Variants in CDH6 observed in about 807,000 individuals in gnomAD.
The protein encoded by CDH6 is cadherin 6.
CDH6 carries 31 observed loss-of-function variants against 78.0 expected under a neutral mutation model. That is an observed-to-expected ratio of 0.40 (90% CI 0.30 to 0.54). The LOEUF (loss-of-function observed/expected upper bound fraction) is 0.54, where lower values mean the gene tolerates loss of function less well. Among genes scored for constraint, CDH6 ranks in the 20% least tolerant of loss-of-function variants. The pLI is 0.56. For missense variants in CDH6, 724 were observed against 975.9 expected (o/e 0.74, Z 3.44); for synonymous variants, 376 against 368.8 (o/e 1.02, Z -0.23).
intron 1 of CDH6, among the ~76,000 whole-genome samples, chr5:31,213,868 C>T (rs1257594064): frequency 6.6e-6 from 1 of 151,986 alleles, no homozygotes; most frequent in Admixed American, 6.6e-5. Context: ...CCCCTCCTGG[C>T]AGGCACCTGC....
chr5:31,213,130 T>C (rs1330328977), intron 1 of CDH6, among the ~76,000 whole-genome samples: 1 of 152,158 alleles, frequency 6.6e-6, no homozygotes, highest in Non-Finnish European at 1.5e-5. Flanking sequence ...ACTCTTCAAA[T>C]CTGAAAACAT....
intron 1 of CDH6, among the ~76,000 whole-genome samples, chr5:31,224,816 G>T (rs1283924088): frequency 6.6e-6 from 1 of 152,168 alleles, no homozygotes; most frequent in Non-Finnish European, 1.5e-5. Context: ...AGTGCTGGGA[G>T]TACACACATA....
At chr5:31,206,852 C>T (rs1188267301) in intron 1 of CDH6, among the ~76,000 whole-genome samples, 1 of 151,992 alleles carries the variant, frequency 6.6e-6, no homozygotes, top group Non-Finnish European at 1.5e-5. Flanking sequence ...TGGCTTTGAA[C>T]CTCCTACTCA....
At chr5:31,219,433 C>T (rs1254363330) in intron 1 of CDH6, among the ~76,000 whole-genome samples, 2 of 152,070 alleles carry the variant, frequency 1.3e-5, no homozygotes, top group Admixed American at 6.6e-5. Flanking sequence ...TCCAATTTTC[C>T]CTGTAACACT....
rs79588006 is a variant in CDH6, at chr5:31,207,227, A to G, written c.-129+13341A>G. On this transcript the variant is annotated intron_variant, in intron 1 of 11. Coordinates refer to ENST00000265071, the MANE Select transcript of CDH6 (RefSeq NM_004932.4). ...GGTCAAAATTAAACATGACCATTAAAAGCTGCTATTTTAGAAAGTTATTCT... is the reference window on the plus strand; with the variant it reads ...GGTCAAAATTAAACATGACCATTAAGAGCTGCTATTTTAGAAAGTTATTCT... 9.5e-3 allele frequency among the ~76,000 whole-genome samples: 1,447 copies of G among 152,242 alleles called. 30 individuals carry two copies. The highest frequency in any genetic ancestry group is 0.033 in the African/African-American group (1,369 of 41,532).
intron 2 of CDH6, among the ~76,000 whole-genome samples, chr5:31,273,776 G>A (rs1407395124): frequency 2.0e-5 from 3 of 152,198 alleles, no homozygotes; most frequent in Non-Finnish European, 4.4e-5. Context: ...AGAGCTGCAC[G>A]AATGTCTGCC....
rs901459838 is a variant in CDH6 at position 31,325,869 on chromosome 5, G to GT, written c.*2562dup. The GT allele has an allele frequency of 4.7e-5, 11 of 231,664 alleles. No homozygotes were observed. Among genetic ancestry groups the GT allele is most frequent in the African/African-American group, 2.4e-4 (11 of 45,280 alleles). 14.4% of individuals were successfully genotyped at this position (231,664 alleles called of 1,614,324 possible). On this transcript the variant is annotated 3_prime_UTR_variant, in exon 12 of 12. Transcript: ENST00000265071. Reference sequence around the variant, plus strand: ...GCTAAATATTTAGTACCAGGGTACTGTAAGTATCAAGTTGGAGTGACGTTT... The same window carrying GT: ...GCTAAATATTTAGTACCAGGGTACTGTTAAGTATCAAGTTGGAGTGACGTTT...
chr5:31,226,957 T>C (rs574519531), intron 1 of CDH6, among the ~76,000 whole-genome samples: 3 of 152,234 alleles, frequency 2.0e-5, no homozygotes, highest in East Asian at 1.9e-4. Flanking sequence ...ATGGCTTTCA[T>C]AAGAAAGGGC....
At chr5:31,202,317 C>T (rs1272631172) in intron 1 of CDH6, among the ~76,000 whole-genome samples, 1 of 152,128 alleles carries the variant, frequency 6.6e-6, no homozygotes, top group East Asian at 1.9e-4. Context: ...AAGAGAGTCT[C>T]ATTAATCTAC....
chr5:31,255,625 C>T (rs1437763715), intron 1 of CDH6, among the ~76,000 whole-genome samples: 1 of 152,212 alleles, frequency 6.6e-6, no homozygotes, highest in South Asian at 2.1e-4. Flanking sequence ...TTTAATTTGA[C>T]GGTCAGTTAA....
chr5:31,293,676 C>T (rs896636358), intron 2 of CDH6, among the ~76,000 whole-genome samples: 6 of 152,040 alleles, frequency 3.9e-5, no homozygotes, highest in Non-Finnish European at 8.8e-5. Context: ...CCTTGGCCAC[C>T]TTGCTATTGC....
At chr5:31,230,911 C>T (rs1024440125) in intron 1 of CDH6, among the ~76,000 whole-genome samples, 1 of 152,102 alleles carries the variant, frequency 6.6e-6, no homozygotes, top group African/African-American at 2.4e-5. Flanking sequence ...ATGCAAAATG[C>T]TTAAATCCAT....
At chr5:31,291,528 G>A (rs927073201) in intron 2 of CDH6, among the ~76,000 whole-genome samples, 6 of 152,074 alleles carry the variant, frequency 3.9e-5, no homozygotes, top group South Asian at 2.1e-4. Flanking sequence ...CCTGGCTGAG[G>A]GAGGTTAATT....
intron 1 of CDH6, among the ~76,000 whole-genome samples, chr5:31,243,978 C>T (rs1741677074): frequency 6.6e-6 from 1 of 152,170 alleles, no homozygotes; most frequent in Admixed American, 6.5e-5. Context: ...GTTTTTATGA[C>T]AATTTCAGGC....
chr5:31,316,652 C>T (rs1009488410), intron 9 of CDH6, among the ~76,000 whole-genome samples: 3 of 152,186 alleles, frequency 2.0e-5, no homozygotes, highest in Non-Finnish European at 2.9e-5. Flanking sequence ...ATAACTACAA[C>T]ATACTTTATA....
chr5:31,258,473 A>G (rs1272122149), intron 1 of CDH6, among the ~76,000 whole-genome samples: 7 of 152,010 alleles, frequency 4.6e-5, no homozygotes, highest in Admixed American at 2.0e-4. Flanking sequence ...AACATCACAC[A>G]CCGGGGCCTG....
rs1479228555 is a variant in CDH6, at chr5:31,326,568, TA to T, written c.*3261del. 2 of 190,530 alleles carry T rather than the reference TA, an allele frequency of 1.0e-5. No individual in the cohort carries two copies. Among genetic ancestry groups the T allele is most frequent in the African/African-American group, 4.7e-5 (2 of 42,960 alleles). The allele number at this position is 190,530 out of a possible 1,614,324, so 11.8% of individuals were successfully genotyped here. ...ATAAAGGGATGTTCAGCAATGAAAT[TA>T]CTCCCTTTTCAGATGGAACAAAACC... is the stretch of plus-strand genomic sequence containing the variant. On this transcript the variant is annotated 3_prime_UTR_variant, in exon 12 of 12. Coordinates refer to ENST00000265071, the MANE Select transcript of CDH6 (RefSeq NM_004932.4).
intron 1 of CDH6, among the ~76,000 whole-genome samples, chr5:31,260,809 C>T (rs1272506998): frequency 2.6e-5 from 4 of 152,138 alleles, no homozygotes; most frequent in Admixed American, 2.0e-4. Flanking sequence ...ATTACACACA[C>T]GAAACGGAAC....
intron 1 of CDH6, among the ~76,000 whole-genome samples, chr5:31,197,566 T>G (rs548236644): frequency 7.9e-5 from 12 of 152,204 alleles, no homozygotes; most frequent in Non-Finnish European, 1.5e-4. Context: ...TTCTCTGGTT[T>G]AAATATTTTT....
Sources: gnomAD v4.1 joint callset for allele counts (sites outside exome capture counted in the v4.1 genomes callset) on GRCh38, gnomAD v4.1.1 for gene constraint, MANE v1.5 for transcripts, NCBI Gene and HGNC (gene_info 2026-07-23, HGNC 2026-07-21) for gene names.